Variants in ADAMTSL1 observed in about 807,000 individuals in gnomAD.
ADAMTSL1 encodes ADAMTS like 1.
Under a neutral mutation model 201.8 loss-of-function variants are expected in ADAMTSL1, and 126 were observed. The observed-to-expected ratio is 0.62, with a 90% CI of 0.54 to 0.72. ADAMTSL1 has a LOEUF of 0.72. Ranked by LOEUF, ADAMTSL1 falls within the 30% of genes least tolerant of loss-of-function variation. The pLI, the probability that ADAMTSL1 is intolerant of heterozygous loss-of-function variation, is 0.00. For synonymous variants in ADAMTSL1, 1,121 were observed against 903.4 expected (o/e 1.24, Z -4.32); for missense variants, 2,679 against 2,277.8 (o/e 1.18, Z -3.59).
chr9:18,380,885 G>T (rs1837529688), intron 2 of ADAMTSL1, among the ~76,000 whole-genome samples: 1 of 152,182 alleles, frequency 6.6e-6, no homozygotes, highest in Non-Finnish European at 1.5e-5. Context: ...CGCAGGGAGA[G>T]GAATTGATCC....
intron 2 of ADAMTSL1, among the ~76,000 whole-genome samples, chr9:18,214,748 A>C (rs906009588): frequency 6.6e-5 from 10 of 152,206 alleles, no homozygotes; most frequent in African/African-American, 2.2e-4. Flanking sequence ...TCATTTGATA[A>C]GTGATTTAAA....
At chr9:18,417,915 A>G (rs1563946864) in intron 2 of ADAMTSL1, among the ~76,000 whole-genome samples, 1 of 152,200 alleles carries the variant, frequency 6.6e-6, no homozygotes, top group Admixed American at 6.5e-5. Context: ...GACAAAGATA[A>G]TAAAAAATAA....
intron 2 of ADAMTSL1, among the ~76,000 whole-genome samples, chr9:18,300,771 C>A (rs569674588): frequency 1.6e-4 from 24 of 152,034 alleles, no homozygotes; most frequent in Non-Finnish European, 3.1e-4. Context: ...AAAGGGAAGT[C>A]CCATGATGAC....
In ADAMTSL1 at chr9:18,894,631, G is replaced by A. The variant is rs547654433; in HGVS notation, c.4851+2035G>A. 6.6e-5 allele frequency among the ~76,000 whole-genome samples: 10 copies of A among 152,134 alleles called. No individual in the cohort carries two copies. The South Asian group carries it at 1.9e-3, about 28-fold the overall frequency. On this transcript the variant is annotated intron_variant, in intron 26 of 28. Transcript: ENST00000380548. Reference sequence around the variant, plus strand: ...AGATAGGAATACAGAAAAAAAAGAGGGTGGATTGTTGCTATATGGAATTGT... The same window carrying A: ...AGATAGGAATACAGAAAAAAAAGAGAGTGGATTGTTGCTATATGGAATTGT...
At chr9:18,735,418 G>A (rs1234772542) in intron 15 of ADAMTSL1, among the ~76,000 whole-genome samples, 1 of 152,174 alleles carries the variant, frequency 6.6e-6, no homozygotes, top group Admixed American at 6.5e-5. Context: ...TGCCACATGA[G>A]ATATTTCAAA....
At chr9:18,406,478 G>A (rs770864170) in intron 2 of ADAMTSL1, among the ~76,000 whole-genome samples, 10 of 151,822 alleles carry the variant, frequency 6.6e-5, no homozygotes, top group Admixed American at 2.6e-4. Flanking sequence ...ACAGGCACAC[G>A]TCACATTGCC....
intron 9 of ADAMTSL1, among the ~76,000 whole-genome samples, chr9:18,675,527 T>C (rs1830086490): frequency 6.6e-6 from 1 of 152,254 alleles, no homozygotes; most frequent in South Asian, 2.1e-4. Context: ...TCATAGGATG[T>C]ATAATTTGGG....
At chr9:18,850,953 C>T (rs1339888001) in intron 23 of ADAMTSL1, among the ~76,000 whole-genome samples, 1 of 152,190 alleles carries the variant, frequency 6.6e-6, no homozygotes, top group Admixed American at 6.5e-5. Context: ...ATGCAATGTG[C>T]CCAGTTTAGT....
chr9:18,773,806 G>A (rs1317068953), intron 17 of ADAMTSL1, among the ~76,000 whole-genome samples: 2 of 152,100 alleles, frequency 1.3e-5, no homozygotes, highest in South Asian at 2.1e-4. Flanking sequence ...GCCTTAAAAC[G>A]ACCATGCTCT....
intron 2 of ADAMTSL1, among the ~76,000 whole-genome samples, chr9:18,257,606 T>G (rs34509703): frequency 6.6e-6 from 1 of 152,112 alleles, no homozygotes; most frequent in Admixed American, 6.5e-5. Context: ...ACAGCCCCTA[T>G]GAAAAACAGT....
At chr9:18,816,500 G>C (rs995531763) in intron 20 of ADAMTSL1, among the ~76,000 whole-genome samples, 1 of 152,130 alleles carries the variant, frequency 6.6e-6, no homozygotes. Flanking sequence ...GCCTCCCAAA[G>C]TGCTGGGACT....
intron 10 of ADAMTSL1, 136 bp from the exon 11 acceptor site, chr9:18,680,176 G>T: frequency 1.2e-6 from 1 of 806,158 alleles, no homozygotes; most frequent in Non-Finnish European, 1.9e-6. Flanking sequence ...GGCAATAGAT[G>T]GCTTTTGGTT....
chr9:18,592,010 T>A (rs1823946118), intron 4 of ADAMTSL1, among the ~76,000 whole-genome samples: 1 of 152,200 alleles, frequency 6.6e-6, no homozygotes, highest in South Asian at 2.1e-4. Flanking sequence ...GGCATTGTCA[T>A]GAAGAAAAAT....
chr9:17,946,495 A>C (rs879397263), intron 1 of ADAMTSL1, among the ~76,000 whole-genome samples: 4 of 152,092 alleles, frequency 2.6e-5, no homozygotes, highest in Admixed American at 6.6e-5. Flanking sequence ...CATTTTTGTA[A>C]GAAAGATCTC....
chr9:17,978,961 G>GTTTT (rs57502483), intron 1 of ADAMTSL1, among the ~76,000 whole-genome samples: 104 of 148,712 alleles, frequency 7.0e-4, no homozygotes, highest in African/African-American at 2.4e-3. Context: ...TTGGTTGACA[G>GTTTT]TTTTTTTTTT....
intron 26 of ADAMTSL1, among the ~76,000 whole-genome samples, chr9:18,894,276 T>A (rs1829472891): frequency 2.0e-5 from 3 of 151,338 alleles, no homozygotes. Flanking sequence ...CTTAAGAGGT[T>A]GAAGCTGCAA....
chr9:18,293,753 G>T (rs940375225), intron 2 of ADAMTSL1, among the ~76,000 whole-genome samples: 2 of 152,134 alleles, frequency 1.3e-5, no homozygotes, highest in African/African-American at 4.8e-5. Flanking sequence ...ACTGGTTATT[G>T]TCAAGATGTA....
At chr9:18,044,434 G>T (rs1239351045) in intron 1 of ADAMTSL1, among the ~76,000 whole-genome samples, 1 of 152,094 alleles carries the variant, frequency 6.6e-6, no homozygotes, top group Admixed American at 6.5e-5. Context: ...TTTTCTTAAG[G>T]GAGAGGATAT....
chr9:18,246,551 A>G (rs1435045106), intron 2 of ADAMTSL1, among the ~76,000 whole-genome samples: 1 of 152,180 alleles, frequency 6.6e-6, no homozygotes, highest in African/African-American at 2.4e-5. Context: ...AGGAAGTGCC[A>G]AAAAGACTTT....
Sources: allele counts gnomAD v4.1 joint callset (sites outside exome capture counted in the v4.1 genomes callset), GRCh38; gene constraint gnomAD v4.1.1; transcripts MANE v1.5; gene names NCBI Gene and HGNC (gene_info 2026-07-23, HGNC 2026-07-21).